The following ERAP1 variants were observed in gnomAD, a reference collection of about 807,000 sequenced individuals.
The protein encoded by ERAP1 is adipocyte-derived leucine aminopeptidase.
ERAP1 carries 86 observed loss-of-function variants against 103.7 expected under a neutral mutation model. The ratio of observed to expected loss-of-function variants is 0.83; its 90% CI spans 0.70 to 0.99. The LOEUF is 0.99. ERAP1 is among the 50% of genes least tolerant of loss of function. The pLI, the probability that ERAP1 is intolerant of heterozygous loss-of-function variation, is 0.00. For synonymous variants in ERAP1, 398 were observed against 402.4 expected, an observed-to-expected ratio of 0.99 and a Z score of 0.13; for missense variants, 1,009 against 1,128.4, an observed-to-expected ratio of 0.89 and a Z score of 1.52.
At chr5:96,917,993 G>A in the ERAP1 span, 1 of 153,512 alleles carries the variant, frequency 6.5e-6, no homozygotes, top group African/African-American at 2.4e-5. Flanking sequence ...AAGTCAAACA[G>A]GGTAACACCA....
chr5:96,848,427 T>C, the ERAP1 span, among the ~76,000 whole-genome samples: 1 of 151,594 alleles, frequency 6.6e-6, no homozygotes, highest in Non-Finnish European at 1.5e-5. Context: ...CTCAAATAAA[T>C]AAAAAATCAA....
At chr5:96,786,203 A>C (rs997849531) in intron 12 of ERAP1, among the ~76,000 whole-genome samples, 10 of 152,244 alleles carry the variant, frequency 6.6e-5, no homozygotes, top group African/African-American at 2.4e-4. Flanking sequence ...TGGCAACTAC[A>C]TCTCTGGCCA....
At chr5:96,856,388 A>AAT in the ERAP1 span, among the ~76,000 whole-genome samples, 1 of 126,692 alleles carries the variant, frequency 7.9e-6, no homozygotes, top group Non-Finnish European at 1.7e-5. Context: ...AGAGAGAGAG[A>AAT]GAGAGAGCAA....
intron 19 of ERAP1, chr5:96,767,456 CCTACAAAGAAAT>C: frequency 6.2e-7 from 1 of 1,612,814 alleles, no homozygotes; most frequent in Non-Finnish European, 8.5e-7. Flanking sequence ...AGTGAAGCCA[CCTACAAAGAAAT>C]CAGAGGATTC....
chr5:96,846,697 A>G, the ERAP1 span, among the ~76,000 whole-genome samples: 1 of 152,036 alleles, frequency 6.6e-6, no homozygotes. Flanking sequence ...CAACAATTTT[A>G]TATCTCTTTC....
At chr5:96,845,561 A>C in the ERAP1 span, among the ~76,000 whole-genome samples, 5 of 152,220 alleles carry the variant, frequency 3.3e-5, no homozygotes, top group African/African-American at 1.2e-4. Flanking sequence ...TATGTATATA[A>C]GTAAATATTT....
the ERAP1 span, among the ~76,000 whole-genome samples, chr5:96,856,655 C>T: frequency 6.6e-6 from 1 of 152,038 alleles, no homozygotes; most frequent in Non-Finnish European, 1.5e-5. Flanking sequence ...TTTGGGTCCT[C>T]ATCCCATTAA....
At chr5:96,901,668 G>T in the ERAP1 span, 1 of 1,613,694 alleles carries the variant, frequency 6.2e-7, no homozygotes, top group African/African-American at 1.3e-5. Flanking sequence ...TGAATGGAGG[G>T]CCCTGCAGGA....
intron 19 of ERAP1, among the ~76,000 whole-genome samples, chr5:96,767,039 G>C (rs1770251471): frequency 6.6e-6 from 1 of 152,146 alleles, no homozygotes; most frequent in African/African-American, 2.4e-5. Flanking sequence ...TATTATTTAA[G>C]GCCCTTGCCT....
chr5:96,831,107 C>T, the ERAP1 span, among the ~76,000 whole-genome samples: 1 of 152,166 alleles, frequency 6.6e-6, no homozygotes, highest in Non-Finnish European at 1.5e-5. Flanking sequence ...GTACAGGAAG[C>T]ATAGCAGCTT....
upstream of ERAP1, among the ~76,000 whole-genome samples, chr5:96,809,125 G>A (rs1040346480): frequency 7.2e-5 from 11 of 152,338 alleles, no homozygotes; most frequent in African/African-American, 2.6e-4. Context: ...TGGTGAGACC[G>A]TAGCAGTGAC....
At chr5:96,913,119 T>G in the ERAP1 span, among the ~76,000 whole-genome samples, 2 of 152,204 alleles carry the variant, frequency 1.3e-5, no homozygotes, top group African/African-American at 4.8e-5. Context: ...TTTGAAATAA[T>G]AAGTAAATGT....
the ERAP1 span, chr5:96,903,327 T>A: frequency 7.1e-7 from 1 of 1,411,254 alleles, no homozygotes; most frequent in Non-Finnish European, 9.7e-7. Context: ...GGAGATGTTC[T>A]GAATAAGTTT....
At chr5:96,926,159 C>G in the ERAP1 span, among the ~76,000 whole-genome samples, 1 of 152,170 alleles carries the variant, frequency 6.6e-6, no homozygotes, top group African/African-American at 2.4e-5. Context: ...ATCTGTCCAC[C>G]TGGGCCTCCC....
At chr5:96,897,167 A>G in the ERAP1 span, among the ~76,000 whole-genome samples, 13 of 152,196 alleles carry the variant, frequency 8.5e-5, no homozygotes, top group African/African-American at 3.1e-4. Flanking sequence ...TTTCTACCAT[A>G]TAACACCTAA....
intron 1 of ERAP1, among the ~76,000 whole-genome samples, chr5:96,807,524 G>T (rs944304983): frequency 2.0e-5 from 3 of 152,064 alleles, no homozygotes; most frequent in Non-Finnish European, 2.9e-5. Context: ...GAACAGCGGG[G>T]AGACCCGTGA....
chr5:96,857,344 A>T, the ERAP1 span, among the ~76,000 whole-genome samples: 2 of 152,178 alleles, frequency 1.3e-5, no homozygotes, highest in African/African-American at 2.4e-5. Context: ...TCCCCTAGTT[A>T]AGTGAAGTAC....
intron 1 of ERAP1, among the ~76,000 whole-genome samples, chr5:96,805,322 G>A (rs913581599): frequency 6.7e-6 from 1 of 149,592 alleles, no homozygotes; most frequent in East Asian, 2.0e-4. Context: ...ATGGTTTTAC[G>A]GATTGTTTAA....
the ERAP1 span, among the ~76,000 whole-genome samples, chr5:96,839,762 C>A: frequency 1.3e-5 from 2 of 152,112 alleles, no homozygotes; most frequent in Non-Finnish European, 2.9e-5. Flanking sequence ...GTCAAACAGC[C>A]CTTTCCATAT....
Sources: allele counts gnomAD v4.1 joint callset (sites outside exome capture counted in the v4.1 genomes callset), GRCh38; gene constraint gnomAD v4.1.1; transcripts MANE v1.5; gene names NCBI Gene and HGNC (gene_info 2026-07-23, HGNC 2026-07-21).